ROBO2: variants seen among roughly 807,000 people sequenced by gnomAD.
ROBO2 encodes roundabout guidance receptor 2.
In ROBO2, 53 loss-of-function variants were observed where a neutral mutation model predicts 160.8. The ratio of observed to expected loss-of-function variants is 0.33; its 90% CI spans 0.26 to 0.41. The LOEUF (loss-of-function observed/expected upper bound fraction) is 0.41, where lower values mean the gene tolerates loss of function less well. Ranked by LOEUF, ROBO2 falls within the 10% of genes least tolerant of loss-of-function variation. The pLI is 1.00. For synonymous variants in ROBO2, 664 were observed against 611.7 expected (o/e 1.09, Z -1.26); for missense variants, 1,577 against 1,722.4 (o/e 0.92, Z 1.49).
intron 2 of ROBO2, among the ~76,000 whole-genome samples, chr3:76,367,535 C>T (rs2075882956): frequency 6.6e-6 from 1 of 151,892 alleles, no homozygotes; most frequent in South Asian, 2.1e-4. Flanking sequence ...CCCAAATTTA[C>T]CACAGTGAAA....
At chr3:76,319,711 A>T (rs2072351019) in intron 2 of ROBO2, among the ~76,000 whole-genome samples, 1 of 150,384 alleles carries the variant, frequency 6.6e-6, no homozygotes, top group African/African-American at 2.4e-5. Context: ...ATTCATGCTG[A>T]TTTTTGTTTG....
At chr3:76,713,787 G>A (rs2107633214) in intron 2 of ROBO2, among the ~76,000 whole-genome samples, 1 of 152,130 alleles carries the variant, frequency 6.6e-6, no homozygotes, top group East Asian at 1.9e-4. Context: ...TTTTTAAGTA[G>A]TTTAGTAAGT....
chr3:75,976,033 C>T (rs1022647255), intron 2 of ROBO2, among the ~76,000 whole-genome samples: 24 of 151,532 alleles, frequency 1.6e-4, no homozygotes, highest in African/African-American at 4.8e-4. Flanking sequence ...AAGCAGAAGT[C>T]CCATTGCCAG....
At chr3:77,398,537 GT>G (rs2075499715) in intron 2 of ROBO2, among the ~76,000 whole-genome samples, 1 of 151,866 alleles carries the variant, frequency 6.6e-6, no homozygotes, top group South Asian at 2.1e-4. Context: ...TCTTGCTCAG[GT>G]TTACTGATAA....
chr3:76,613,304 G>A (rs945614830), intron 2 of ROBO2, among the ~76,000 whole-genome samples: 4 of 151,906 alleles, frequency 2.6e-5, no homozygotes, highest in Non-Finnish European at 5.9e-5. Flanking sequence ...AGATTACTAT[G>A]CATGCAAATG....
At chr3:76,486,478 C>T (rs970196873) in intron 2 of ROBO2, among the ~76,000 whole-genome samples, 6 of 151,996 alleles carry the variant, frequency 3.9e-5, no homozygotes, top group African/African-American at 4.8e-5. Flanking sequence ...CTATCCTTTA[C>T]GTAAGGGGAG....
At position 77,473,182 on chromosome 3, in the gene ROBO2, G is replaced by A. The variant is rs56714532; in HGVS notation, c.389-4232G>A. 8.0e-3 allele frequency among the ~76,000 whole-genome samples: 1,221 copies of A among 152,088 alleles called. 24 individuals are homozygous for A. Among genetic ancestry groups the A allele is most frequent in the African/African-American group, 0.028 (1,156 of 41,474 alleles). ...GGCAGGTGTGTCATTTACACAGAGC[G>A]TGAAGAAGTTGGCCACCCCATCCCA... On this transcript the variant is annotated intron_variant, in intron 2 of 25. Coordinates refer to ENST00000461745, the Ensembl canonical transcript of ROBO2.
chr3:76,220,748 A>C (rs569594682), intron 2 of ROBO2, among the ~76,000 whole-genome samples: 8 of 151,094 alleles, frequency 5.3e-5, no homozygotes, highest in Admixed American at 4.6e-4. Flanking sequence ...ATTTGATGAA[A>C]ACACACACAC....
chr3:76,922,708 G>T (rs1028011717), intron 2 of ROBO2, among the ~76,000 whole-genome samples: 1 of 152,164 alleles, frequency 6.6e-6, no homozygotes, highest in African/African-American at 2.4e-5. Context: ...GGAGGCAAAA[G>T]CTGTAAATCA....
chr3:76,214,650 A>C (rs1703379013), intron 2 of ROBO2, among the ~76,000 whole-genome samples: 1 of 152,174 alleles, frequency 6.6e-6, no homozygotes, highest in Admixed American at 6.5e-5. Flanking sequence ...TGAGTAGGTA[A>C]ACAAAGCAGC....
intron 2 of ROBO2, among the ~76,000 whole-genome samples, chr3:77,444,588 A>G (rs2080274001): frequency 6.6e-6 from 1 of 152,172 alleles, no homozygotes; most frequent in African/African-American, 2.4e-5. Context: ...AGTTTTAAAG[A>G]GGAAAAAGAG....
intron 2 of ROBO2, among the ~76,000 whole-genome samples, chr3:76,728,525 G>C (rs2107806961): frequency 6.6e-6 from 1 of 152,202 alleles, no homozygotes; most frequent in African/African-American, 2.4e-5. Context: ...CTATCTTCGT[G>C]TGTGAAAGCA....
chr3:77,164,378 G>A (rs1467237879), intron 2 of ROBO2, among the ~76,000 whole-genome samples: 1 of 97,340 alleles, frequency 1.0e-5, no homozygotes, highest in Admixed American at 1.1e-4. Flanking sequence ...TTTACCGTCC[G>A]GGAGGGAGGT....
chr3:76,324,964 G>A (rs942710468), intron 2 of ROBO2, among the ~76,000 whole-genome samples: 3 of 152,124 alleles, frequency 2.0e-5, no homozygotes, highest in African/African-American at 7.2e-5. Flanking sequence ...AAATTAGCCG[G>A]GCGTGGTGGC....
At chr3:76,712,684 A>G (rs2093318164) in intron 2 of ROBO2, among the ~76,000 whole-genome samples, 1 of 151,782 alleles carries the variant, frequency 6.6e-6, no homozygotes, top group Admixed American at 6.6e-5. Context: ...CAAAAAAAAA[A>G]TAATAATAAT....
At chr3:77,302,617 C>T (rs960861523) in intron 2 of ROBO2, among the ~76,000 whole-genome samples, 3 of 152,100 alleles carry the variant, frequency 2.0e-5, no homozygotes, top group African/African-American at 2.4e-5. Flanking sequence ...TGCCAAATTT[C>T]CAGATTTCTT....
intron 2 of ROBO2, among the ~76,000 whole-genome samples, chr3:76,163,961 C>G (rs555938747): frequency 1.3e-5 from 2 of 152,164 alleles, no homozygotes; most frequent in Non-Finnish European, 2.9e-5. Context: ...AAAGATTTCT[C>G]TGTCTCATGC....
At chr3:75,943,601 G>A (rs1232643256) in intron 2 of ROBO2, among the ~76,000 whole-genome samples, 6 of 152,188 alleles carry the variant, frequency 3.9e-5, no homozygotes, top group Non-Finnish European at 7.3e-5. Flanking sequence ...TATATGTAAA[G>A]AGGAATAGAA....
chr3:77,562,426 G>A (rs60550047), intron 9 of ROBO2, among the ~76,000 whole-genome samples: 3,335 of 152,048 alleles, frequency 0.022, 120 homozygotes, highest in African/African-American at 0.076. Context: ...TAACATTGAG[G>A]TGCATAAATA....
Sources: gnomAD v4.1 joint callset for allele counts (sites outside exome capture counted in the v4.1 genomes callset) on GRCh38, gnomAD v4.1.1 for gene constraint, MANE v1.5 for transcripts, NCBI Gene and HGNC (gene_info 2026-07-23, HGNC 2026-07-21) for gene names.